Variants in VPS37A observed in about 807,000 individuals in gnomAD.
VPS37A encodes vacuolar protein sorting-associated protein 37A.
VPS37A carries 30 observed loss-of-function variants against 49.8 expected under a neutral mutation model. The ratio of observed to expected loss-of-function variants is 0.60; its 90% CI spans 0.45 to 0.82. The LOEUF is 0.82. Among genes scored for constraint, VPS37A ranks in the 40% least tolerant of loss-of-function variants. The probability of loss-of-function intolerance (pLI) is 0.00; values close to 1 mark genes in which losing one functional copy is unlikely to be tolerated. For synonymous variants in VPS37A, 195 were observed against 160.6 expected, an observed-to-expected ratio of 1.21 and a Z score of -1.62; for missense variants, 593 against 464.4, an observed-to-expected ratio of 1.28 and a Z score of -2.55.
chr8:17,259,806 C>G (rs1433690444), intron 1 of VPS37A, among the ~76,000 whole-genome samples: 1 of 152,026 alleles, frequency 6.6e-6, no homozygotes. Flanking sequence ...GAATTGACCC[C>G]TTTATCATTT....
the VPS37A span, among the ~76,000 whole-genome samples, chr8:17,322,471 C>A: frequency 6.6e-6 from 1 of 152,072 alleles, no homozygotes; most frequent in African/African-American, 2.4e-5. Flanking sequence ...AGGTTTAACA[C>A]GTGGTAAGGA....
chr8:17,306,006 G>A (rs375181281), downstream of VPS37A: 57 of 1,472,194 alleles, frequency 3.9e-5, no homozygotes, highest in Admixed American at 5.8e-5. Context: ...TATTTTTAAA[G>A]TACAAAGCCA....
chr8:17,298,960 A>C (rs1000224113), downstream of VPS37A: 2 of 152,192 alleles, frequency 1.3e-5, no homozygotes, highest in African/African-American at 4.8e-5. Flanking sequence ...ATGACAACCC[A>C]ATTCTCTGGT....
At chr8:17,255,002 C>A (rs1322833036) in intron 1 of VPS37A, among the ~76,000 whole-genome samples, 1 of 152,054 alleles carries the variant, frequency 6.6e-6, no homozygotes, top group Non-Finnish European at 1.5e-5. Flanking sequence ...ACATCATTAT[C>A]TTGAATTGAT....
At chr8:17,325,307 A>G in the VPS37A span, among the ~76,000 whole-genome samples, 2 of 152,150 alleles carry the variant, frequency 1.3e-5, no homozygotes, top group Admixed American at 6.6e-5. Context: ...GACAACTCCA[A>G]GTGCTCTGCC....
At chr8:17,252,103 T>C (rs929203054) in intron 1 of VPS37A, among the ~76,000 whole-genome samples, 3 of 152,212 alleles carry the variant, frequency 2.0e-5, no homozygotes, top group Non-Finnish European at 1.5e-5. Context: ...TGTTATATAT[T>C]TTTATGAAAA....
At position 17,288,088 on chromosome 8, in the gene VPS37A, AT is replaced by A. The variant is rs947982428; in HGVS notation, c.*1666del. Among the ~76,000 whole-genome samples the A allele has an allele frequency of 3.5e-4, 54 of 152,324 alleles. 1 individual carries two copies. The highest frequency in any genetic ancestry group is 1.3e-3 in the African/African-American group (53 of 41,572). On this transcript the variant is annotated intron_variant, in intron 11 of 11. Coordinates refer to ENST00000324849, the MANE Select transcript of VPS37A (RefSeq NM_152415.3). ...ATAAATTCCTTAAGGGTAGGGGCTG[AT>A]TTTTGATACCAACTTTGCATATCTG... is the stretch of plus-strand genomic sequence containing the variant.
the VPS37A span, among the ~76,000 whole-genome samples, chr8:17,320,752 C>T: frequency 2.0e-5 from 3 of 152,190 alleles, no homozygotes; most frequent in Admixed American, 2.0e-4. Flanking sequence ...GCCCTCCAAG[C>T]ATCAGGCTCA....
downstream of VPS37A, chr8:17,300,175 C>A: frequency 6.2e-7 from 1 of 1,614,084 alleles, no homozygotes. Flanking sequence ...ACTTTGCTTA[C>A]TCTTCACCTT....
At chr8:17,331,335 A>G in the VPS37A span, 1 of 1,524,454 alleles carries the variant, frequency 6.6e-7, no homozygotes, top group Non-Finnish European at 8.8e-7. Flanking sequence ...TGAAACAATG[A>G]TGAAACAACC....
downstream of VPS37A, chr8:17,298,265 T>TAA (rs1417483474): frequency 3.3e-5 from 5 of 152,080 alleles, no homozygotes; most frequent in African/African-American, 1.2e-4. Flanking sequence ...AGAAAATGAA[T>TAA]AAACATTCCT....
At chr8:17,283,644 A>T (rs1164359112) in intron 9 of VPS37A, among the ~76,000 whole-genome samples, 2 of 152,190 alleles carry the variant, frequency 1.3e-5, no homozygotes, top group Non-Finnish European at 2.9e-5. Flanking sequence ...TCCCTGGTTG[A>T]AAATCATTTG....
the VPS37A span, among the ~76,000 whole-genome samples, chr8:17,315,462 G>A: frequency 3.2e-4 from 49 of 152,214 alleles, no homozygotes; most frequent in African/African-American, 1.1e-3. Flanking sequence ...ACCGTACAGT[G>A]GACTTTGAGT....
chr8:17,312,207 A>G, the VPS37A span, among the ~76,000 whole-genome samples: 1 of 152,242 alleles, frequency 6.6e-6, no homozygotes, highest in African/African-American at 2.4e-5. Flanking sequence ...CAGTTAACAT[A>G]CGCTGGGAAA....
At chr8:17,248,561 C>T in intron 1 of VPS37A, 2 of 314,206 alleles carry the variant, frequency 6.4e-6, no homozygotes, top group Non-Finnish European at 1.3e-5. Flanking sequence ...CAGGAATAAG[C>T]CACCTCGCCG....
the VPS37A span, among the ~76,000 whole-genome samples, chr8:17,332,936 C>T: frequency 6.6e-6 from 1 of 152,144 alleles, no homozygotes; most frequent in African/African-American, 2.4e-5. Context: ...AGGAGAATGC[C>T]ATCAGTACTA....
At position 17,280,087 on chromosome 8, in the gene VPS37A, C is replaced by G. The variant is rs1184896726; in HGVS notation, c.773C>G (p.Thr258Ser). Residue 258 changes from threonine to serine, a missense_variant, in exon 7 of 12, where the codon ACT (threonine) becomes AGT (serine). By Grantham distance (58) the Thr-to-Ser change is moderately conservative (BLOSUM62 1). Coordinates refer to ENST00000324849, the MANE Select transcript of VPS37A (RefSeq NM_152415.3). Reference protein sequence around the residue: ...QEEVLLEQFLTLPQLKQIITD... With the variant: ...QEEVLLEQFLSLPQLKQIITD... The stretch of plus-strand genomic sequence containing the variant: ...GAGGTATTACTAGAACAGTTTCTGA[C>G]TTTGCCTCAACTAAAACAAATTATT... 2.5e-6 allele frequency: 4 copies of G among 1,612,534 alleles called. No homozygotes were observed. In the African/African-American group the frequency reaches 5.3e-5, roughly 22 times the overall value.
At chr8:17,274,004 T>C (rs573726960) in intron 4 of VPS37A, among the ~76,000 whole-genome samples, 3 of 152,336 alleles carry the variant, frequency 2.0e-5, no homozygotes, top group African/African-American at 7.2e-5. Flanking sequence ...ATATTGTATT[T>C]AGATGATTCT....
intron 9 of VPS37A, among the ~76,000 whole-genome samples, chr8:17,283,365 A>G (rs926046580): frequency 4.6e-5 from 7 of 152,194 alleles, no homozygotes; most frequent in African/African-American, 1.4e-4. Context: ...TATGTTGCCC[A>G]GCCTGGTCAT....
Sources: gnomAD v4.1 joint callset for allele counts (sites outside exome capture counted in the v4.1 genomes callset) on GRCh38, gnomAD v4.1.1 for gene constraint, MANE v1.5 for transcripts, NCBI Gene and HGNC (gene_info 2026-07-23, HGNC 2026-07-21) for gene names.